Variants in CYB561D2 observed in about 807,000 individuals in gnomAD.
CYB561D2 encodes transmembrane reductase CYB561D2.
CYB561D2 carries 16 observed loss-of-function variants against 20.2 expected under a neutral mutation model. The ratio of observed to expected loss-of-function variants is 0.79; its 90% confidence interval spans 0.53 to 1.20. The LOEUF is 1.20. CYB561D2 is among the 50% of genes most tolerant of loss of function. The pLI is 0.00. For synonymous variants in CYB561D2, 135 were observed against 128.3 expected, an observed-to-expected ratio of 1.05 and a Z score of -0.35; for missense variants, 247 against 270.3, an observed-to-expected ratio of 0.91 and a Z score of 0.60.
In CYB561D2 at chr3:50,353,268, C is replaced by T. The variant is rs1261851254; in HGVS notation, c.193C>T (p.Leu65=). ...CTCCTTCCTGATGACCGAGGCACTA[C>T]TGGTGTTTTCTCCTGAGAGTTCGCT... ...AFSFLMTEAL[L]VFSPESSLLH... The change falls in exon 4 of 4, where the codon CTG becomes TTG. Residue 65 remains leucine, a synonymous_variant. Transcript: ENST00000425346. 1 of 1,581,618 alleles carries T rather than the reference C, an allele frequency of 6.3e-7. No individual in the cohort carries two copies. Among genetic ancestry groups the T allele is most frequent in the Non-Finnish European group, 8.6e-7 (1 of 1,157,782 alleles).
In CYB561D2 at chr3:50,353,483, AGGTGG is replaced by A. The variant is rs1703819429; in HGVS notation, c.416_420del (p.Val139AlafsTer31). ...TGCTGTGGGCAGGGCTGCAGTGCTC[AGGTGG>A]GGTGGGGCTGCTCTACCCCAAGCTG... On this transcript the variant is annotated frameshift_variant, in exon 4 of 4. Transcript: ENST00000425346. LOFTEE classifies it high-confidence loss of function. 6.2e-7 allele frequency: 1 copy of A among 1,612,998 alleles called. No homozygotes were observed. Among genetic ancestry groups the A allele is most frequent in the South Asian group, 1.1e-5 (1 of 91,080 alleles).
intron 2 of CYB561D2, 72 bp downstream of exon 2, chr3:50,351,632 T>G: frequency 6.4e-7 from 1 of 1,562,266 alleles, no homozygotes; most frequent in South Asian, 1.2e-5. Flanking sequence ...GCAGTGGGAC[T>G]TCCGGGAACA....
rs374652747 is a variant in CYB561D2 at position 50,353,379 on chromosome 3, G to A, written c.304G>A (p.Gly102Ser). ...LALLCALLGL[G>S]LVILHKEQLG... Reference sequence around the variant, plus strand: ...CCTGCTGTGTGCACTGCTGGGCCTCGGCCTTGTCATCCTCCACAAAGAGCA... The same window carrying A: ...CCTGCTGTGTGCACTGCTGGGCCTCAGCCTTGTCATCCTCCACAAAGAGCA... The change falls in exon 4 of 4, where the codon GGC becomes AGC. Residue 102 changes from glycine (G) to serine (S), a missense_variant. Physicochemically the swap from Gly to Ser is moderately conservative, Grantham distance 56. Transcript: ENST00000425346. 1.1e-4 allele frequency: 182 copies of A among 1,613,430 alleles called. No homozygotes were observed. The South Asian group carries it at 1.5e-3, about 13-fold the overall frequency.
chr3:50,350,913 C>A lies in CYB561D2; in HGVS notation c.-97C>A. Reference sequence around the variant, plus strand: ...CTCCGTGACGGAGCGGCGGTGCGCGCGGCAGGGCCCGGAGTATCCCGCTTT... The same window carrying A: ...CTCCGTGACGGAGCGGCGGTGCGCGAGGCAGGGCCCGGAGTATCCCGCTTT... On this transcript the variant is annotated 5_prime_UTR_variant, in exon 1 of 4. Transcript: ENST00000425346. The surrounding 1 kb of genome is among the most constrained non-coding windows in gnomAD (Gnocchi z 5.7). The A allele has an allele frequency of 1.4e-6, 2 of 1,390,696 alleles. No homozygotes were observed. Among genetic ancestry groups the A allele is most frequent in the Non-Finnish European group, 1.9e-6 (2 of 1,076,734 alleles). The allele number at this position is 1,390,696 out of a possible 1,614,324, so 86.1% of individuals were successfully genotyped here.
In CYB561D2 at chr3:50,351,494, G is replaced by C; in HGVS notation, c.61G>C (p.Ala21Pro). The C allele has an allele frequency of 1.2e-6, 2 of 1,613,782 alleles. No individual in the cohort carries two copies. The highest frequency in any genetic ancestry group is 1.7e-6 in the Non-Finnish European group (2 of 1,180,008). The change falls in exon 2 of 4, where the codon GCT (alanine) becomes CCT (proline). Residue 21 changes from alanine to proline, a missense_variant. Coordinates refer to ENST00000425346, the MANE Select transcript of CYB561D2 (RefSeq NM_001291284.2). Reference protein sequence around the residue: ...IYRALRTASGAAAHLVALGFT... With the variant: ...IYRALRTASGPAAHLVALGFT... ...CCGAGCTCTGCGTACTGCTTCTGGC[G>C]CTGCCGCCCACCTTGTGGCCCTGGG...
intron 3 of CYB561D2, 136 bp downstream of exon 3, chr3:50,352,182 A>G: frequency 9.1e-7 from 1 of 1,101,402 alleles, no homozygotes; most frequent in South Asian, 1.4e-5. Context: ...TGCCCATGGT[A>G]TATATTTCAG....
rs1703821053 is a variant in CYB561D2 at position 50,353,547 on chromosome 3, T to C, written c.472T>C (p.Tyr158His). 4 of 1,613,652 alleles carry C rather than the reference T, an allele frequency of 2.5e-6. No individual in the cohort carries two copies. In the South Asian group the frequency reaches 4.4e-5, roughly 18 times the overall value. ...PRWPLAKLKL[Y>H]HATSGLVGYL... The stretch of plus-strand genomic sequence containing the variant: ...ATGGCCCCTGGCGAAGCTCAAGCTA[T>C]ACCATGCTACTTCTGGGCTGGTGGG... The change falls in exon 4 of 4, where the codon TAC becomes CAC. Residue 158 changes from tyrosine to histidine, a missense_variant. Tyr to His is a moderately conservative substitution (Grantham distance 83). Transcript: ENST00000425346.
At chr3:50,351,639 A>G in intron 2 of CYB561D2, 79 bp downstream of exon 2, 1 of 1,552,546 alleles carries the variant, frequency 6.4e-7, no homozygotes, top group South Asian at 1.2e-5. Flanking sequence ...GACTTCCGGG[A>G]ACAGGCCTGG....
Position 50,353,745 on chromosome 3 carries a change from G to C in CYB561D2, c.*1G>C. The C allele has an allele frequency of 6.3e-7, 1 of 1,586,438 alleles. No individual in the cohort carries two copies. Among genetic ancestry groups the C allele is most frequent in the Non-Finnish European group, 8.6e-7 (1 of 1,162,756 alleles). On this transcript the variant is annotated 3_prime_UTR_variant, in exon 4 of 4. Transcript: ENST00000425346. The stretch of plus-strand genomic sequence containing the variant: ...ATACCGCAAGAGGATCCAACCATGA[G>C]CTCTTCCCAGCCTAGGGGAAGCCTG...
In CYB561D2 at chr3:50,354,002, G is replaced by A. The variant is rs868353599; in HGVS notation, c.*258G>A. 4 of 505,180 alleles carry A rather than the reference G, an allele frequency of 7.9e-6. No individual in the cohort carries two copies. Among genetic ancestry groups the A allele is most frequent in the Middle Eastern group, 5.1e-4 (1 of 1,950 alleles). The allele number at this position is 505,180 out of a possible 1,614,324, so 31.3% of individuals were successfully genotyped here. ...GGCTGCAAGACTGCCTCTCCTGCAAGGCAGCTCATACTTGTACTGTATGTT... is the reference window on the plus strand; with the variant it reads ...GGCTGCAAGACTGCCTCTCCTGCAAAGCAGCTCATACTTGTACTGTATGTT... On this transcript the variant is annotated 3_prime_UTR_variant, in exon 4 of 4. Coordinates refer to ENST00000425346, the MANE Select transcript of CYB561D2 (RefSeq NM_001291284.2).
At position 50,351,439 on chromosome 3, in the gene CYB561D2, C is replaced by T; in HGVS notation, c.6C>T (p.Ala2=). 2 of 1,613,360 alleles carry T rather than the reference C, an allele frequency of 1.2e-6. No individual in the cohort carries two copies. The highest frequency in any genetic ancestry group is 1.7e-6 in the Non-Finnish European group (2 of 1,179,774). The change falls in exon 2 of 4, where the codon GCC becomes GCT. Residue 2 remains alanine, a synonymous_variant. Transcript: ENST00000425346. ...AACCACTAGCACGGCTGACGATGGC[C>T]CTTTCTGCGGAGACCGAGTCACACA... M[A]LSAETESHIY...
chr3:50,351,386 G>A (rs587593678), intron 1 of CYB561D2, 23 bp from the exon 2 acceptor site: 3 of 1,595,174 alleles, frequency 1.9e-6, no homozygotes, highest in East Asian at 4.5e-5. Context: ...CTGAGATCCT[G>A]GCCCACGCTA....
At position 50,353,319 on chromosome 3, in the gene CYB561D2, C is replaced by T. The variant is rs201204387; in HGVS notation, c.244C>T (p.Arg82Ter). ...SLLHSLSRKG[R>*]ARCHWVLQLL... ...GCTGCACTCCCTCTCACGGAAAGGCCGAGCACGCTGCCACTGGGTGCTGCA... is the reference window on the plus strand; with the variant it reads ...GCTGCACTCCCTCTCACGGAAAGGCTGAGCACGCTGCCACTGGGTGCTGCA... The change falls in exon 4 of 4, where the codon CGA becomes TGA. Residue 82 changes from arginine to a stop codon, truncating the protein, a stop_gained. Coordinates refer to ENST00000425346, the MANE Select transcript of CYB561D2 (RefSeq NM_001291284.2). LOFTEE classifies it high-confidence loss of function. The T allele has an allele frequency of 3.7e-5, 59 of 1,609,818 alleles. No homozygotes were observed. In the Admixed American group the frequency reaches 4.3e-4, roughly 12 times the overall value.
At chr3:50,351,171 T>C in intron 1 of CYB561D2, 187 bp downstream of exon 1, 1 of 520,226 alleles carries the variant, frequency 1.9e-6, no homozygotes, top group Non-Finnish European at 3.3e-6. Context: ...TACATGGCTT[T>C]GCGCCTCCTA....
chr3:50,351,138 G>A lies in CYB561D2; in HGVS notation c.-26+154G>A, dbSNP rs142586863. ...TGGCTCTACTGCCGGCGACGGCGTG[G>A]TACACGCTGGGATTTGTAGTCTTAC... On this transcript the variant is annotated intron_variant, in intron 1 of 3. Transcript: ENST00000425346. 3,489 of 461,302 alleles carry A rather than the reference G, an allele frequency of 7.6e-3. 16 individuals are homozygous for A. The highest frequency in any genetic ancestry group is 0.033 in the Middle Eastern group (55 of 1,672). 28.6% of individuals were successfully genotyped at this position (461,302 alleles called of 1,614,324 possible).
In CYB561D2 at chr3:50,352,065, C is replaced by T. The variant is rs767698734; in HGVS notation, c.165+19C>T. 4.3e-6 allele frequency: 7 copies of T among 1,613,706 alleles called. No individual in the cohort carries two copies. Among genetic ancestry groups the T allele is most frequent in the Non-Finnish European group, 5.9e-6 (7 of 1,179,870 alleles). On this transcript the variant is annotated intron_variant, in intron 3 of 3. Transcript: ENST00000425346. The stretch of plus-strand genomic sequence containing the variant: ...TTTGGCTGTAAGTAGTGGGCCTGGG[C>T]AGTTCTTAGGGGTGGGAGCATGGGC...
chr3:50,353,205 A>G (rs1394738624), intron 3 of CYB561D2, 36 bp from the exon 4 acceptor site: 10 of 1,529,622 alleles, frequency 6.5e-6, no homozygotes, highest in Non-Finnish European at 8.8e-6. Flanking sequence ...CTGGGGCAGC[A>G]CCCTCACTTG....
At chr3:50,352,979 CCT>C in intron 3 of CYB561D2, among the ~76,000 whole-genome samples, 1 of 152,200 alleles carries the variant, frequency 6.6e-6, no homozygotes, top group Admixed American at 6.5e-5. Flanking sequence ...CATCTCAAAC[CCT>C]GTGTTTGCTT....
intron 1 of CYB561D2, 36 bp downstream of exon 1, chr3:50,351,020 G>A: frequency 1.3e-6 from 1 of 743,242 alleles, no homozygotes; most frequent in Non-Finnish European, 1.9e-6. Flanking sequence ...CATGCTGGCA[G>A]CACTTGGGGA....
Sources: gnomAD v4.1 joint callset for allele counts (sites outside exome capture counted in the v4.1 genomes callset) on GRCh38, gnomAD v4.1.1 for gene constraint, Gnocchi (gnomAD v3.1) non-coding constraint, MANE v1.5 for transcripts, NCBI Gene and HGNC (gene_info 2026-07-23, HGNC 2026-07-21) for gene names.